KPNA4: variants seen among roughly 807,000 people sequenced by gnomAD.
KPNA4 encodes the protein importin subunit alpha-3.
In KPNA4, 13 loss-of-function variants were observed where a neutral mutation model predicts 71.3. The observed-to-expected ratio is 0.18, with a 90% CI of 0.12 to 0.29. KPNA4 has a LOEUF of 0.29. Ranked by LOEUF, KPNA4 falls within the 10% of genes least tolerant of loss-of-function variation. The pLI is 1.00. For synonymous variants in KPNA4, 189 were observed against 195.2 expected (o/e 0.97, Z 0.26); for missense variants, 334 against 603.2 (o/e 0.55, Z 4.67).
intron 1 of KPNA4, among the ~76,000 whole-genome samples, chr3:160,538,113 ATATATATATG>A (rs1228698176): frequency 4.7e-5 from 7 of 150,284 alleles, no homozygotes; most frequent in Non-Finnish European, 8.9e-5. Flanking sequence ...CACACACTAT[ATATATATATG>A]TATATATATG....
chr3:160,547,879 C>T (rs1721955624), intron 1 of KPNA4, among the ~76,000 whole-genome samples: 1 of 152,188 alleles, frequency 6.6e-6, no homozygotes, highest in African/African-American at 2.4e-5. Flanking sequence ...CATGTCTTTT[C>T]ATGGCTTAAC....
At chr3:160,564,895 G>A (rs1272553278) in intron 1 of KPNA4, among the ~76,000 whole-genome samples, 2 of 147,836 alleles carry the variant, frequency 1.4e-5, no homozygotes, top group Non-Finnish European at 3.0e-5. Flanking sequence ...GGCCGCACAC[G>A]CACGCCTCCT....
chr3:160,526,186 T>C, intron 8 of KPNA4, 79 bp from the exon 9 acceptor site: 1 of 1,018,400 alleles, frequency 9.8e-7, no homozygotes, highest in Non-Finnish European at 1.4e-6. Context: ...GCACTGGGAA[T>C]ATGCTGCTTC....
chr3:160,529,100 T>A (rs1031176237), intron 7 of KPNA4, among the ~76,000 whole-genome samples: 1 of 151,916 alleles, frequency 6.6e-6, no homozygotes, highest in Non-Finnish European at 1.5e-5. Context: ...GGCTAATTTT[T>A]TTTTCCTGCA....
intron 16 of KPNA4, among the ~76,000 whole-genome samples, chr3:160,503,453 A>C (rs1328504833): frequency 6.6e-6 from 1 of 152,208 alleles, no homozygotes; most frequent in Non-Finnish European, 1.5e-5. Flanking sequence ...AAAAAAATCC[A>C]AAATCCAAAA....
intron 11 of KPNA4, among the ~76,000 whole-genome samples, chr3:160,521,320 C>T (rs956431007): frequency 3.3e-5 from 5 of 152,162 alleles, no homozygotes; most frequent in African/African-American, 1.2e-4. Flanking sequence ...GTAATCCGGC[C>T]AGGCATGGTG....
intron 5 of KPNA4, among the ~76,000 whole-genome samples, chr3:160,534,294 T>C (rs1721636011): frequency 2.0e-5 from 3 of 152,202 alleles, no homozygotes; most frequent in African/African-American, 2.4e-5. Flanking sequence ...TTCATAAATA[T>C]ACAAAGCAAC....
At chr3:160,557,604 G>C (rs1016030863) in intron 1 of KPNA4, among the ~76,000 whole-genome samples, 1 of 151,992 alleles carries the variant, frequency 6.6e-6, no homozygotes, top group African/African-American at 2.4e-5. Context: ...AAAATTTAGG[G>C]AAAAAATGAC....
intron 1 of KPNA4, among the ~76,000 whole-genome samples, chr3:160,545,450 GTAAATAAAGTT>G (rs1721885036): frequency 6.6e-6 from 1 of 152,150 alleles, no homozygotes; most frequent in Non-Finnish European, 1.5e-5. Flanking sequence ...GTGAAAGACT[GTAAATAAAGTT>G]AAAATGTATA....
At chr3:160,553,963 GA>G (rs1403391498) in intron 1 of KPNA4, among the ~76,000 whole-genome samples, 1 of 152,174 alleles carries the variant, frequency 6.6e-6, no homozygotes, top group African/African-American at 2.4e-5. Flanking sequence ...TACAGATCTG[GA>G]CCTATTAGAA....
chr3:160,519,796 C>T (rs867127638), intron 11 of KPNA4, among the ~76,000 whole-genome samples: 6 of 87,382 alleles, frequency 6.9e-5, no homozygotes, highest in Non-Finnish European at 1.1e-4. Flanking sequence ...AGCGAGACTC[C>T]GTCTCAAAAA....
At chr3:160,541,029 G>C (rs1721787252) in intron 1 of KPNA4, among the ~76,000 whole-genome samples, 1 of 152,176 alleles carries the variant, frequency 6.6e-6, no homozygotes, top group African/African-American at 2.4e-5. Context: ...TGTATTTAAT[G>C]AACATTTACT....
Position 160,508,263 on chromosome 3 carries a change from A to G in KPNA4, c.1216T>C (p.Tyr406His). ...GGGATAACATTTTGTTGGATAAGGT[A>G]AGCCACCTGAAGAATAAAAACAACA... ...TISGRKDQVA[Y>H]LIQQNVIPPF... Residue 406 changes from tyrosine to histidine, a missense_variant, in exon 15 of 17, where the codon TAC (tyrosine) becomes CAC (histidine). Physicochemically the swap from Tyr to His is moderately conservative, Grantham distance 83 (BLOSUM62 2). Coordinates refer to ENST00000334256, the MANE Select transcript of KPNA4 (RefSeq NM_002268.5). 1 of 1,594,662 alleles carries G rather than the reference A, an allele frequency of 6.3e-7. No individual in the cohort carries two copies.
intron 12 of KPNA4, 131 bp from the exon 13 acceptor site, chr3:160,514,312 A>G (rs925737929): frequency 3.4e-6 from 2 of 593,638 alleles, no homozygotes; most frequent in Non-Finnish European, 5.5e-6. Context: ...AAATCTCAGG[A>G]ATCTCAATTC....
chr3:160,553,577 C>G (rs892148234), intron 1 of KPNA4, among the ~76,000 whole-genome samples: 1 of 152,148 alleles, frequency 6.6e-6, no homozygotes, highest in African/African-American at 2.4e-5. Flanking sequence ...CCCTGAACTT[C>G]CCTAACATCC....
At chr3:160,515,635 G>A in intron 11 of KPNA4, 55 bp from the exon 12 acceptor site, 1 of 1,528,234 alleles carries the variant, frequency 6.5e-7, no homozygotes, top group Non-Finnish European at 9.0e-7. Flanking sequence ...TTTTTTTTGA[G>A]ACAAGGTCTT....
chr3:160,502,963 T>C lies in KPNA4; in HGVS notation c.1468-761A>G, dbSNP rs1720913262. ...CCATCTCTACTAAAAATACAAAAAT[T>C]AGCTGGGCATGGTGGCATGCGCCTA... is the stretch of plus-strand genomic sequence containing the variant. On this transcript the variant is annotated intron_variant, in intron 16 of 16. Transcript: ENST00000334256. Among the ~76,000 whole-genome samples the C allele has an allele frequency of 2.0e-5, 3 of 151,984 alleles. No individual in the cohort carries two copies. In the South Asian group the frequency reaches 6.2e-4, roughly 32 times the overall value.
intron 1 of KPNA4, among the ~76,000 whole-genome samples, chr3:160,562,604 AG>A (rs1219497342): frequency 6.6e-6 from 1 of 152,260 alleles, no homozygotes; most frequent in African/African-American, 2.4e-5. Context: ...AATATAAAAA[AG>A]AATGTTTCTA....
intron 10 of KPNA4, 23 bp downstream of exon 10, chr3:160,525,777 T>C (rs748199940): frequency 6.8e-7 from 1 of 1,477,312 alleles, no homozygotes; most frequent in South Asian, 1.4e-5. Flanking sequence ...TACATAAATA[T>C]ATAATAGGAC....
Sources: gnomAD v4.1 joint callset for allele counts (sites outside exome capture counted in the v4.1 genomes callset) on GRCh38, gnomAD v4.1.1 for gene constraint, MANE v1.5 for transcripts, NCBI Gene and HGNC (gene_info 2026-07-23, HGNC 2026-07-21) for gene names.